TMUB2: variants seen among roughly 807,000 people sequenced by gnomAD.
The protein encoded by TMUB2 is transmembrane and ubiquitin-like domain-containing protein 2.
Under a neutral mutation model 20.2 loss-of-function variants are expected in TMUB2, and 19 were observed. That is an observed-to-expected ratio of 0.94 (90% CI 0.66 to 1.38). TMUB2 has a LOEUF of 1.38. TMUB2 is among the 40% of genes most tolerant of loss of function. The pLI is 0.00. For synonymous variants in TMUB2, 186 were observed against 166.0 expected (o/e 1.12, Z -0.92); for missense variants, 426 against 402.5 (o/e 1.06, Z -0.50).
intron 3 of TMUB2, 142 bp from the exon 4 acceptor site, chr17:44,190,349 CAAAAAAAAAA>C: frequency 6.2e-6 from 2 of 321,644 alleles, no homozygotes; most frequent in Non-Finnish European, 9.7e-6. Flanking sequence ...GACTCCGTCT[CAAAAAAAAAA>C]AAAAAAAAAA....
In TMUB2 at chr17:44,190,481, C is replaced by T; in HGVS notation, c.603-20C>T. ...ATTCCTCACCCTCTATCTTTTCTTC[C>T]ATGTCTTTCATCCTTACAGCAAATA... is the stretch of plus-strand genomic sequence containing the variant. On this transcript the variant is annotated intron_variant, in intron 3 of 3. Coordinates refer to ENST00000538716, the MANE Select transcript of TMUB2 (RefSeq NM_001076674.3). 6.4e-7 allele frequency: 1 copy of T among 1,568,518 alleles called. No homozygotes were observed. The highest frequency in any genetic ancestry group is 2.3e-5 in the East Asian group (1 of 44,432).
intron 3 of TMUB2, 170 bp downstream of exon 3, chr17:44,189,758 C>T (rs548022379): frequency 6.7e-6 from 4 of 595,980 alleles, no homozygotes; most frequent in Non-Finnish European, 1.1e-5. Context: ...GGTGCAGTGG[C>T]TCCCGGGACT....
Position 44,190,579 on chromosome 17 carries a change from G to A in TMUB2, c.681G>A (p.Leu227=), listed in dbSNP as rs750409651. The A allele has an allele frequency of 2.5e-5, 40 of 1,614,050 alleles. No homozygotes were observed. The highest frequency in any genetic ancestry group is 3.4e-5 in the Non-Finnish European group (40 of 1,180,054). ...GRLLQDPART[L]RSLNITDNCV... ...TGCTACAAGACCCAGCCCGCACACT[G>A]CGTTCTCTGAACATTACCGACAACT... The change falls in exon 4 of 4, where the codon CTG becomes CTA. Residue 227 remains leucine (L), a synonymous_variant. Transcript: ENST00000538716.
intron 3 of TMUB2, 113 bp downstream of exon 3, chr17:44,189,701 T>G: frequency 1.0e-6 from 1 of 1,004,920 alleles, no homozygotes; most frequent in Non-Finnish European, 1.4e-6. Context: ...ATCCAGCCCC[T>G]ACCAAGGGCA....
chr17:44,190,050 G>A (rs140370315), intron 3 of TMUB2: 364 of 166,690 alleles, frequency 2.2e-3, no homozygotes, highest in Admixed American at 4.0e-3. Context: ...ATTAGTTAAG[G>A]ATAAAGATGA....
Position 44,191,579 on chromosome 17 carries a change from G to C in TMUB2, c.*715G>C, listed in dbSNP as rs1173801384. Reference sequence around the variant, plus strand: ...CTGCTGCTCCCGTAGTCCTCAGGCTGTAAGCAAGAGACAGCACTGGCCCTT... The same window carrying C: ...CTGCTGCTCCCGTAGTCCTCAGGCTCTAAGCAAGAGACAGCACTGGCCCTT... On this transcript the variant is annotated 3_prime_UTR_variant, in exon 4 of 4. Transcript: ENST00000538716. 3.0e-6 allele frequency: 3 copies of C among 985,948 alleles called. No individual in the cohort carries two copies. The highest frequency in any genetic ancestry group is 2.3e-4 in the East Asian group (2 of 8,826). The allele number at this position is 985,948 out of a possible 1,614,324, so 61.1% of individuals were successfully genotyped here.
At position 44,189,041 on chromosome 17, in the gene TMUB2, C is replaced by A. The variant is rs765204525; in HGVS notation, c.55C>A (p.Gln19Lys). Residue 19 changes from glutamine to lysine, a missense_variant, in exon 3 of 4, where the codon CAG becomes AAG. Gln to Lys is a moderately conservative substitution (Grantham distance 53, BLOSUM62 1). Transcript: ENST00000538716. ...NLMSVDPASSQAMELSDVTLI... is the reference protein window; with the variant it reads ...NLMSVDPASSKAMELSDVTLI... ...CTGCAGCGTGGACCCTGCCAGCAGCCAGGCCATGGAGCTCTCTGATGTCAC... is the reference window on the plus strand; with the variant it reads ...CTGCAGCGTGGACCCTGCCAGCAGCAAGGCCATGGAGCTCTCTGATGTCAC... The A allele has an allele frequency of 6.2e-7, 1 of 1,613,480 alleles. No individual in the cohort carries two copies. Among genetic ancestry groups the A allele is most frequent in the East Asian group, 2.2e-5 (1 of 44,870 alleles).
At chr17:44,187,533 C>G (rs1360130937) in intron 1 of TMUB2, 143 bp from the exon 2 acceptor site, 5 of 627,290 alleles carry the variant, frequency 8.0e-6, no homozygotes, top group African/African-American at 5.5e-5. Context: ...TTCCCTGTGT[C>G]TGTGCCAATC....
intron 1 of TMUB2, 57 bp from the exon 2 acceptor site, chr17:44,187,619 G>A (rs933041003): frequency 2.8e-6 from 2 of 712,758 alleles, no homozygotes; most frequent in South Asian, 1.5e-5. Flanking sequence ...ACCATCAGGG[G>A]TTAGTTGTGG....
intron 3 of TMUB2, 70 bp from the exon 4 acceptor site, chr17:44,190,431 T>C: frequency 6.8e-7 from 1 of 1,476,428 alleles, no homozygotes; most frequent in African/African-American, 1.4e-5. Flanking sequence ...CCCTGCTTTG[T>C]TGGTCCAGGC....
chr17:44,187,743 G>T lies in TMUB2; in HGVS notation c.35G>T (p.Ser12Ile). 2.8e-6 allele frequency: 2 copies of T among 718,592 alleles called. No homozygotes were observed. Among genetic ancestry groups the T allele is most frequent in the Non-Finnish European group, 5.2e-6 (2 of 385,078 alleles). 44.5% of individuals were successfully genotyped at this position (718,592 alleles called of 1,614,324 possible). ...CGTCATCTTCAAAACAACCTCATGA[G>T]GTAGGTACTGTTTTTAACCCCATTT... is the stretch of plus-strand genomic sequence containing the variant. ...ISRHLQNNLM[S>I]VDPASSQAME... Residue 12 changes from serine (S) to isoleucine (I), a missense_variant and splice_region_variant, in exon 2 of 4, where the codon AGC (serine) becomes ATC (isoleucine). By Grantham distance (142) the Ser-to-Ile change is moderately radical. Coordinates refer to ENST00000538716, the MANE Select transcript of TMUB2 (RefSeq NM_001076674.3).
rs1057217209 is a variant in TMUB2 at position 44,191,541 on chromosome 17, G to C, written c.*677G>C. ...AAGCCAAGCCCCCAGCATTGGGAGC[G>C]GCCAGGCCACAGCTGCTGCTCCCGT... is the stretch of plus-strand genomic sequence containing the variant. On this transcript the variant is annotated 3_prime_UTR_variant, in exon 4 of 4. Transcript: ENST00000538716. 2 of 986,032 alleles carry C rather than the reference G, an allele frequency of 2.0e-6. No homozygotes were observed. The highest frequency in any genetic ancestry group is 2.4e-6 in the Non-Finnish European group (2 of 830,092). 61.1% of individuals were successfully genotyped at this position (986,032 alleles called of 1,614,324 possible).
Position 44,191,563 on chromosome 17 carries a change from C to T in TMUB2, c.*699C>T, listed in dbSNP as rs540240672. 1.0e-5 allele frequency: 10 copies of T among 986,096 alleles called. No individual in the cohort carries two copies. In the South Asian group the frequency reaches 1.9e-4, roughly 19 times the overall value. The allele number at this position is 986,096 out of a possible 1,614,324, so 61.1% of individuals were successfully genotyped here. A position where few individuals can be genotyped will look rare whatever the true frequency, so the allele number is the denominator to read the frequency against. ...AGCGGCCAGGCCACAGCTGCTGCTC[C>T]CGTAGTCCTCAGGCTGTAAGCAAGA... is the stretch of plus-strand genomic sequence containing the variant. On this transcript the variant is annotated 3_prime_UTR_variant, in exon 4 of 4. Coordinates refer to ENST00000538716, the MANE Select transcript of TMUB2 (RefSeq NM_001076674.3).
Position 44,191,353 on chromosome 17 carries a change from T to C in TMUB2, c.*489T>C, listed in dbSNP as rs2055547452. 1 of 988,722 alleles carries C rather than the reference T, an allele frequency of 1.0e-6. No homozygotes were observed. Among genetic ancestry groups the C allele is most frequent in the Non-Finnish European group, 1.2e-6 (1 of 831,712 alleles). The allele number at this position is 988,722 out of a possible 1,614,324, so 61.2% of individuals were successfully genotyped here. ...AAATCACACTGGCGGGAATGAAGAT[T>C]GTGCCAGCCTTCTCTTATGGGCACC... On this transcript the variant is annotated 3_prime_UTR_variant, in exon 4 of 4. Transcript: ENST00000538716.
chr17:44,189,570 C>T lies in TMUB2; in HGVS notation c.584C>T (p.Thr195Ile), dbSNP rs2055059655. The change falls in exon 3 of 4, where the codon ACC (threonine) becomes ATC (isoleucine). Residue 195 changes from threonine (T) to isoleucine (I), a missense_variant. By Grantham distance (89) the Thr-to-Ile change is moderately conservative. Coordinates refer to ENST00000538716, the MANE Select transcript of TMUB2 (RefSeq NM_001076674.3). Reference sequence around the variant, plus strand: ...CTGGCTGTGGCTAGGCCAGAGGATACCGTGGGTGCCCTGAAGAGGTGAGTG... The same window carrying T: ...CTGGCTGTGGCTAGGCCAGAGGATATCGTGGGTGCCCTGAAGAGGTGAGTG... ...EELAVARPED[T>I]VGALKSKYFP... The T allele has an allele frequency of 6.3e-7, 1 of 1,594,968 alleles. No homozygotes were observed. The highest frequency in any genetic ancestry group is 8.6e-7 in the Non-Finnish European group (1 of 1,169,418).
At position 44,190,846 on chromosome 17, in the gene TMUB2, T is replaced by G. The variant is rs1177466889; in HGVS notation, c.948T>G (p.Phe316Leu). The G allele has an allele frequency of 6.2e-7, 1 of 1,612,704 alleles. No individual in the cohort carries two copies. The highest frequency in any genetic ancestry group is 8.5e-7 in the Non-Finnish European group (1 of 1,179,216). ...CCGTCTTCTTCAGCTTCCTAGTATT[T>G]GGGATGTATGGACGATAAGGACATA... ...GVTVFFSFLV[F>L]GMYGR The change falls in exon 4 of 4, where the codon TTT (phenylalanine) becomes TTG (leucine). Residue 316 changes from phenylalanine (F) to leucine (L), a missense_variant. Transcript: ENST00000538716.
intron 3 of TMUB2, 77 bp downstream of exon 3, chr17:44,189,665 A>G (rs1039415338): frequency 4.4e-5 from 59 of 1,351,692 alleles, no homozygotes; most frequent in Non-Finnish European, 5.5e-5. Context: ...GCTGGTGCAG[A>G]CATGGGAGCT....
intron 2 of TMUB2, 193 bp from the exon 3 acceptor site, chr17:44,188,829 G>C (rs1053789884): frequency 7.1e-5 from 63 of 891,280 alleles, no homozygotes; most frequent in Non-Finnish European, 9.1e-5. Context: ...TTTCACAATA[G>C]AGGCAAAGGG....
chr17:44,190,823 G>A lies in TMUB2; in HGVS notation c.925G>A (p.Val309Ile), dbSNP rs139203660. 31 of 1,613,788 alleles carry A rather than the reference G, an allele frequency of 1.9e-5. No homozygotes were observed. The highest frequency in any genetic ancestry group is 5.0e-5 in the Admixed American group (3 of 59,972). ...CACTGTCTCCCTGGTGGGAGTCACC[G>A]TCTTCTTCAGCTTCCTAGTATTTGG... is the stretch of plus-strand genomic sequence containing the variant. Reference protein sequence around the residue: ...PATVSLVGVTVFFSFLVFGMY... With the variant: ...PATVSLVGVTIFFSFLVFGMY... The change falls in exon 4 of 4, where the codon GTC (valine) becomes ATC (isoleucine). Residue 309 changes from valine (V) to isoleucine (I), a missense_variant. Transcript: ENST00000538716.
Sources: gnomAD v4.1 joint callset for allele counts on GRCh38, gnomAD v4.1.1 for gene constraint, MANE v1.5 for transcripts, NCBI Gene and HGNC (gene_info 2026-07-23, HGNC 2026-07-21) for gene names.